Variants in FARSB observed in about 807,000 individuals in gnomAD.
The protein encoded by FARSB is phenylalanyl-tRNA synthetase subunit beta, also known as phenylalanine--tRNA ligase beta subunit.
FARSB carries 40 observed loss-of-function variants against 69.6 expected under a neutral mutation model. The ratio of observed to expected loss-of-function variants is 0.57; its 90% CI spans 0.45 to 0.75. FARSB has a LOEUF of 0.75. FARSB is among the 30% of genes least tolerant of loss of function. The pLI is 0.00. For missense variants in FARSB, 632 were observed against 722.9 expected (o/e 0.87, Z 1.44); for synonymous variants, 235 against 247.2 (o/e 0.95, Z 0.46).
intron 2 of FARSB, among the ~76,000 whole-genome samples, chr2:222,647,473 G>A (rs923339797): frequency 2.0e-5 from 3 of 152,244 alleles, no homozygotes; most frequent in Non-Finnish European, 4.4e-5. Flanking sequence ...GTTGATGGCA[G>A]CTTCTAGAAA....
intron 16 of FARSB, among the ~76,000 whole-genome samples, chr2:222,582,653 A>G (rs1182484608): frequency 1.3e-5 from 2 of 152,194 alleles, no homozygotes; most frequent in Non-Finnish European, 1.5e-5. Context: ...ATTCGGGCGC[A>G]GTGGCTCACG....
rs531236483 is a variant in FARSB, at chr2:222,623,682, C to T, written c.1219G>A (p.Ala407Thr). 5.0e-6 allele frequency: 8 copies of T among 1,610,318 alleles called. No individual in the cohort carries two copies. The highest frequency in any genetic ancestry group is 6.8e-6 in the Non-Finnish European group (8 of 1,176,954). The change falls in exon 13 of 17, where the codon GCT becomes ACT. Residue 407 changes from alanine to threonine, a missense_variant. Coordinates refer to ENST00000281828, the MANE Select transcript of FARSB (RefSeq NM_005687.5). Reference protein sequence around the residue: ...TELLRHDMAAAGFTEALTFAL... With the variant: ...TELLRHDMAATGFTEALTFAL... Reference sequence around the variant, plus strand: ...AAGGTAAGTGCTTCAGTGAAGCCAGCGGCTGCCATGTCATGTCGGAGAAGT... The same window carrying T: ...AAGGTAAGTGCTTCAGTGAAGCCAGTGGCTGCCATGTCATGTCGGAGAAGT...
intron 16 of FARSB, among the ~76,000 whole-genome samples, chr2:222,596,057 T>C (rs1325541085): frequency 6.6e-6 from 1 of 152,150 alleles, no homozygotes; most frequent in Non-Finnish European, 1.5e-5. Flanking sequence ...CACTCAACAT[T>C]GATCTTATTC....
chr2:222,642,757 T>C (rs1691754357), intron 3 of FARSB, 94 bp downstream of exon 3: 11 of 972,370 alleles, frequency 1.1e-5, no homozygotes, highest in Admixed American at 2.4e-5. Flanking sequence ...CTCTACAAGC[T>C]TTTTCCTAGA....
chr2:222,594,048 G>C (rs1386399397), intron 16 of FARSB, among the ~76,000 whole-genome samples: 1 of 141,328 alleles, frequency 7.1e-6, no homozygotes, highest in Non-Finnish European at 1.5e-5. Context: ...TTTGATACCG[G>C]GAGCTTAAGA....
At chr2:222,592,425 G>A (rs1224074759) in intron 16 of FARSB, among the ~76,000 whole-genome samples, 1 of 152,044 alleles carries the variant, frequency 6.6e-6, no homozygotes, top group African/African-American at 2.4e-5. Context: ...CCAATATGCT[G>A]CAGCACACAA....
chr2:222,607,010 C>T (rs778541031), intron 15 of FARSB, among the ~76,000 whole-genome samples: 11 of 152,218 alleles, frequency 7.2e-5, no homozygotes, highest in Non-Finnish European at 1.5e-4. Context: ...CTTGATTCTT[C>T]TATTCCATCC....
intron 5 of FARSB, among the ~76,000 whole-genome samples, chr2:222,635,263 C>G (rs934098568): frequency 6.6e-6 from 1 of 152,180 alleles, no homozygotes; most frequent in Non-Finnish European, 1.5e-5. Context: ...CAGGAAAGGA[C>G]ACAAGTTTGG....
chr2:222,646,262 TCTA>T (rs1235844178), intron 2 of FARSB, among the ~76,000 whole-genome samples: 1 of 152,214 alleles, frequency 6.6e-6, no homozygotes, highest in East Asian at 1.9e-4. Flanking sequence ...GTCTTTAACT[TCTA>T]CTTCCCGGTA....
At chr2:222,623,554 C>A in intron 13 of FARSB, 96 bp downstream of exon 13, 1 of 807,006 alleles carries the variant, frequency 1.2e-6, no homozygotes, top group Admixed American at 1.8e-5. Context: ...TTCTAACAGT[C>A]TAGATTTTAT....
At chr2:222,649,420 A>C (rs1245327904) in intron 1 of FARSB, among the ~76,000 whole-genome samples, 1 of 152,252 alleles carries the variant, frequency 6.6e-6, no homozygotes, top group East Asian at 1.9e-4. Context: ...TCAGATATAA[A>C]GTAGGCTCCA....
intron 1 of FARSB, among the ~76,000 whole-genome samples, chr2:222,649,656 TA>T (rs1189917015): frequency 9.9e-5 from 15 of 152,232 alleles, no homozygotes; most frequent in Middle Eastern, 3.2e-3. Context: ...TATGGCATGG[TA>T]CTATTGGAAA....
chr2:222,600,998 G>A (rs761264684), intron 15 of FARSB, among the ~76,000 whole-genome samples: 6 of 152,196 alleles, frequency 3.9e-5, no homozygotes, highest in Non-Finnish European at 8.8e-5. Context: ...AGGACATTAT[G>A]CTAAATTAAA....
Position 222,600,087 on chromosome 2 carries a change from GA to G in FARSB, c.1463-5del. On this transcript the variant is annotated splice_polypyrimidine_tract_variant and splice_region_variant and intron_variant, in intron 15 of 16. Transcript: ENST00000281828. ...CTGTAGTTTTTTGCACCTACATCTA[GA>G]AAAATAAAGGAACTGGTCACAACGC... is the stretch of plus-strand genomic sequence containing the variant. 6.2e-7 allele frequency: 1 copy of G among 1,601,226 alleles called. No homozygotes were observed. Among genetic ancestry groups the G allele is most frequent in the Non-Finnish European group, 8.5e-7 (1 of 1,176,434 alleles).
chr2:222,626,711 T>C (rs1691284465), intron 10 of FARSB, among the ~76,000 whole-genome samples: 1 of 152,178 alleles, frequency 6.6e-6, no homozygotes, highest in East Asian at 1.9e-4. Flanking sequence ...AAATATATAA[T>C]CACTTTTATT....
chr2:222,605,193 C>CTCTCTCTCTCTCTCTCTCTG (rs762324554), intron 15 of FARSB, among the ~76,000 whole-genome samples: 2 of 151,732 alleles, frequency 1.3e-5, no homozygotes, highest in African/African-American at 2.4e-5. Flanking sequence ...CTCTCTCTCT[C>CTCTCTCTCTCTCTCTCTCTG]TGTGTCTCCC....
At position 222,628,817 on chromosome 2, in the gene FARSB, G is replaced by C; in HGVS notation, c.900+20C>G. ...TTAGCATTGTTGTCATAATCATGAAGTCATTTCTTAAGCACTTACTGGAAA... is the reference window on the plus strand; with the variant it reads ...TTAGCATTGTTGTCATAATCATGAACTCATTTCTTAAGCACTTACTGGAAA... On this transcript the variant is annotated intron_variant, in intron 10 of 16. Transcript: ENST00000281828. 1 of 1,526,274 alleles carries C rather than the reference G, an allele frequency of 6.6e-7. No individual in the cohort carries two copies. The highest frequency in any genetic ancestry group is 9.1e-7 in the Non-Finnish European group (1 of 1,101,462). 94.5% of individuals were successfully genotyped at this position (1,526,274 alleles called of 1,614,324 possible). A position where few individuals can be genotyped will look rare whatever the true frequency, so the allele number is the denominator to read the frequency against.
chr2:222,624,439 A>G lies in FARSB; in HGVS notation c.1003T>C (p.Tyr335His), dbSNP rs1176954003. 1.2e-6 allele frequency: 2 copies of G among 1,613,518 alleles called. No homozygotes were observed. The highest frequency in any genetic ancestry group is 1.7e-6 in the Non-Finnish European group (2 of 1,179,520). ...ENLAKLLTRMYLKSEVIGDGN... is the reference protein window; with the variant it reads ...ENLAKLLTRMHLKSEVIGDGN... ...TCACCTATGACTTCTGATTTTAAATACATCCTGGTCAGAAGTTTGGCAAGA... is the reference window on the plus strand; with the variant it reads ...TCACCTATGACTTCTGATTTTAAATGCATCCTGGTCAGAAGTTTGGCAAGA... Residue 335 changes from tyrosine to histidine, a missense_variant, in exon 12 of 17, where the codon TAT (tyrosine) becomes CAT (histidine). Physicochemically the swap from Tyr to His is moderately conservative, Grantham distance 83. Transcript: ENST00000281828.
intron 8 of FARSB, 80 bp from the exon 9 acceptor site, chr2:222,630,254 A>G: frequency 2.7e-6 from 2 of 736,490 alleles, no homozygotes. Flanking sequence ...AATATTTAAT[A>G]TAATTGTGTC....
Sources: gnomAD v4.1 joint callset for allele counts (sites outside exome capture counted in the v4.1 genomes callset) on GRCh38, gnomAD v4.1.1 for gene constraint, MANE v1.5 for transcripts, NCBI Gene and HGNC (gene_info 2026-07-23, HGNC 2026-07-21) for gene names.